Variants in CFAP97D2 observed in about 807,000 individuals in gnomAD.
CFAP97D2 encodes the protein uncharacterized protein CFAP97D2.
intron 1 of CFAP97D2, among the ~76,000 whole-genome samples, chr13:114,196,034 G>C (rs1029428760): frequency 3.5e-5 from 5 of 141,272 alleles, no homozygotes; most frequent in African/African-American, 5.3e-5. Context: ...AGTGAGCCAA[G>C]ATTGCGCCAC....
chr13:114,190,758 G>C (rs2080866586), intron 1 of CFAP97D2, among the ~76,000 whole-genome samples: 1 of 152,190 alleles, frequency 6.6e-6, no homozygotes. Context: ...AAGTTGTTTT[G>C]TTGATATCAG....
chr13:114,187,750 T>G lies in CFAP97D2; in HGVS notation c.90+8330T>G, dbSNP rs148139701. On this transcript the variant is annotated intron_variant, in intron 1 of 4. Coordinates refer to ENST00000646158, the Ensembl canonical transcript of CFAP97D2. The surrounding 1 kb of genome is among the most constrained non-coding windows in gnomAD (Gnocchi z 4.2). Reference sequence around the variant, plus strand: ...AACGTCATCATCAATCAACTAGATATAATTGATATCTATCATCCAATTCAT... The same window carrying G: ...AACGTCATCATCAATCAACTAGATAGAATTGATATCTATCATCCAATTCAT... 8.3e-3 allele frequency among the ~76,000 whole-genome samples: 1,263 copies of G among 152,332 alleles called. 14 individuals are homozygous for G. The highest frequency in any genetic ancestry group is 0.028 in the African/African-American group (1,179 of 41,572).
chr13:114,200,272 G>T (rs2080911256), intron 2 of CFAP97D2, 53 bp from the exon 3 acceptor site: 2 of 395,784 alleles, frequency 5.1e-6, no homozygotes. Flanking sequence ...CGTGGCGTGA[G>T]GAAGAGCCTC....
At chr13:114,201,845 T>C (rs1316493355) in intron 3 of CFAP97D2, among the ~76,000 whole-genome samples, 1 of 152,220 alleles carries the variant, frequency 6.6e-6, no homozygotes, top group African/African-American at 2.4e-5. Flanking sequence ...GAGCCAACAA[T>C]TGGACTTTCA....
intron 3 of CFAP97D2, among the ~76,000 whole-genome samples, chr13:114,204,136 G>A (rs1306050066): frequency 1.3e-5 from 2 of 152,150 alleles, no homozygotes; most frequent in Non-Finnish European, 2.9e-5. Context: ...AATACATTTC[G>A]AGGAGGCAGC....
intron 3 of CFAP97D2, among the ~76,000 whole-genome samples, chr13:114,201,254 T>C (rs2080916718): frequency 6.6e-6 from 1 of 152,224 alleles, no homozygotes. Flanking sequence ...AAGATTTTGA[T>C]GGTGATTGTG....
chr13:114,205,365 T>C (rs1265137338), intron 3 of CFAP97D2, among the ~76,000 whole-genome samples: 2 of 152,248 alleles, frequency 1.3e-5, no homozygotes, highest in Non-Finnish European at 2.9e-5. Flanking sequence ...AAAACATGTC[T>C]ACACGAAAAC....
intron 1 of CFAP97D2, among the ~76,000 whole-genome samples, chr13:114,182,394 C>T (rs965034507): frequency 6.6e-6 from 1 of 152,146 alleles, no homozygotes; most frequent in Non-Finnish European, 1.5e-5. Flanking sequence ...CCGAGACATT[C>T]AGTTCCCAGG....
intron 4 of CFAP97D2, among the ~76,000 whole-genome samples, chr13:114,215,125 T>A (rs1308556155): frequency 6.6e-6 from 1 of 152,126 alleles, no homozygotes; most frequent in African/African-American, 2.4e-5. Flanking sequence ...CCACAAACAG[T>A]CTAGCAATTT....
At chr13:114,200,127 G>A (rs1413012115) in intron 2 of CFAP97D2, among the ~76,000 whole-genome samples, 198 bp from the exon 3 acceptor site, 1 of 151,808 alleles carries the variant, frequency 6.6e-6, no homozygotes, top group Non-Finnish European at 1.5e-5. Context: ...GTAACAGGGC[G>A]TCCCCTCGCG....
In CFAP97D2 at chr13:114,207,292, G is replaced by A. The variant is rs993411128; in HGVS notation, c.291-4620G>A. Among the ~76,000 whole-genome samples the A allele has an allele frequency of 2.0e-5, 3 of 152,156 alleles. No homozygotes were observed. Among genetic ancestry groups the A allele is most frequent in the Middle Eastern group, 3.2e-3 (1 of 316 alleles). ...ACCATTGAGGACGCTACTGGGATAC[G>A]GCATGGACAGCGAGGGGAGGGGTCC... On this transcript the variant is annotated intron_variant, in intron 3 of 4. Coordinates refer to ENST00000646158, the Ensembl canonical transcript of CFAP97D2. This position sits in a 1 kb window ranked among gnomAD's most constrained non-coding sequence, Gnocchi z 4.9.
At chr13:114,198,030 C>T (rs1172074236) in intron 2 of CFAP97D2, among the ~76,000 whole-genome samples, 1 of 152,158 alleles carries the variant, frequency 6.6e-6, no homozygotes, top group Non-Finnish European at 1.5e-5. Flanking sequence ...GCTCTGTTGC[C>T]TGGCTGGTGT....
intron 1 of CFAP97D2, among the ~76,000 whole-genome samples, chr13:114,194,119 T>C (rs2080877996): frequency 6.6e-6 from 1 of 152,240 alleles, no homozygotes; most frequent in African/African-American, 2.4e-5. Context: ...AGCTTTTCTT[T>C]ACAGAAGTAT....
intron 3 of CFAP97D2, among the ~76,000 whole-genome samples, chr13:114,208,396 A>G (rs1278725627): frequency 6.6e-6 from 1 of 152,244 alleles, no homozygotes; most frequent in Non-Finnish European, 1.5e-5. Flanking sequence ...AATAAAATCC[A>G]CACAATTTGA....
chr13:114,211,684 C>T lies in CFAP97D2; in HGVS notation c.291-228C>T, dbSNP rs1417333443. On this transcript the variant is annotated intron_variant, in intron 3 of 4. Coordinates refer to ENST00000646158, the Ensembl canonical transcript of CFAP97D2. The surrounding 1 kb of genome is among the most constrained non-coding windows in gnomAD (Gnocchi z 4.2). Reference sequence around the variant, plus strand: ...CTCACCCTGAAAACGCCCCTCCCGCCGTGCAAAGCGAGCGCGCCGGGGCTG... The same window carrying T: ...CTCACCCTGAAAACGCCCCTCCCGCTGTGCAAAGCGAGCGCGCCGGGGCTG... Among the ~76,000 whole-genome samples, 1 of 152,226 alleles carries T rather than the reference C, an allele frequency of 6.6e-6. No individual in the cohort carries two copies. Among genetic ancestry groups the T allele is most frequent in the Admixed American group, 6.5e-5 (1 of 15,284 alleles).
At chr13:114,188,553 G>A (rs1386462378) in intron 1 of CFAP97D2, among the ~76,000 whole-genome samples, 5 of 151,922 alleles carry the variant, frequency 3.3e-5, no homozygotes, top group South Asian at 2.1e-4. Context: ...CGAGGCGGGC[G>A]GATCATGAGG....
At chr13:114,213,430 A>G (rs1458013165) in intron 4 of CFAP97D2, among the ~76,000 whole-genome samples, 3 of 141,298 alleles carry the variant, frequency 2.1e-5, no homozygotes, top group African/African-American at 8.0e-5. Flanking sequence ...CACAGAACCC[A>G]TCCCTGTGGA....
chr13:114,202,652 G>T (rs895665192), intron 3 of CFAP97D2, among the ~76,000 whole-genome samples: 2 of 152,212 alleles, frequency 1.3e-5, no homozygotes, highest in African/African-American at 4.8e-5. Context: ...AAGGGGCAGG[G>T]CCTTACTTTT....
intron 1 of CFAP97D2, among the ~76,000 whole-genome samples, chr13:114,181,029 T>C (rs573937922): frequency 6.6e-6 from 1 of 152,318 alleles, no homozygotes; most frequent in African/African-American, 2.4e-5. Context: ...AACCTACAGG[T>C]ACTGGGTCCA....
Sources: allele counts gnomAD v4.1 joint callset (sites outside exome capture counted in the v4.1 genomes callset), GRCh38; gene constraint gnomAD v4.1.1; non-coding constraint Gnocchi (gnomAD v3.1); transcripts MANE v1.5; gene names NCBI Gene and HGNC (gene_info 2026-07-23, HGNC 2026-07-21).